The following CHST8 variants were observed in gnomAD, a reference collection of about 807,000 sequenced individuals.
The protein encoded by CHST8 is carbohydrate sulfotransferase 8.
Under a neutral mutation model 15.0 loss-of-function variants are expected in CHST8, and 10 were observed. The observed-to-expected ratio is 0.67, with a 90% confidence interval of 0.41 to 1.13. CHST8 has a LOEUF of 1.13. CHST8 is among the 50% of genes most tolerant of loss of function. The pLI is 0.00. For synonymous variants in CHST8, 259 were observed against 256.6 expected, an observed-to-expected ratio of 1.01 and a Z score of -0.09; for missense variants, 634 against 608.2, an observed-to-expected ratio of 1.04 and a Z score of -0.45.
intron 1 of CHST8, among the ~76,000 whole-genome samples, chr19:33,622,576 G>A (rs1417487284): frequency 6.6e-6 from 1 of 152,158 alleles, no homozygotes; most frequent in Non-Finnish European, 1.5e-5. Flanking sequence ...CCGTCCCTCG[G>A]GCCCTCTTGG....
chr19:33,767,245 G>A (rs1409882570), intron 3 of CHST8, among the ~76,000 whole-genome samples: 1 of 152,252 alleles, frequency 6.6e-6, no homozygotes, highest in Admixed American at 6.5e-5. Flanking sequence ...CTGACCAAAA[G>A]GCTGCTCCCC....
chr19:33,772,066 A>T lies in CHST8; in HGVS notation c.278A>T (p.Asp93Val). The T allele has an allele frequency of 6.2e-7, 1 of 1,612,270 alleles. No individual in the cohort carries two copies. ...APRGRNLPAP[D>V]QPQPPLQRGT... ...AGGGGCCGCAACCTGCCAGCGCCTG[A>T]CCAGCCTCAACCCCCGCTGCAGAGG... The change falls in exon 5 of 5, where the codon GAC (aspartate) becomes GTC (valine). Residue 93 changes from aspartate (D) to valine (V), a missense_variant. Coordinates refer to ENST00000650847, the MANE Select transcript of CHST8 (RefSeq NM_001127895.2).
chr19:33,636,831 G>A (rs1052283259), intron 1 of CHST8, among the ~76,000 whole-genome samples: 4 of 152,160 alleles, frequency 2.6e-5, no homozygotes, highest in Non-Finnish European at 5.9e-5. Flanking sequence ...AACCCGGGAG[G>A]CGAAGGTTGC....
intron 3 of CHST8, among the ~76,000 whole-genome samples, chr19:33,693,766 C>T (rs1973144088): frequency 6.6e-6 from 1 of 151,828 alleles, no homozygotes; most frequent in African/African-American, 2.4e-5. Flanking sequence ...TTGTTTTCTT[C>T]TAGGGGAGTT....
intron 3 of CHST8, among the ~76,000 whole-genome samples, chr19:33,749,078 C>A (rs1974365897): frequency 6.6e-6 from 1 of 152,098 alleles, no homozygotes; most frequent in South Asian, 2.1e-4. Flanking sequence ...CAGGAGAGGC[C>A]CTGGTGGGCA....
intron 3 of CHST8, among the ~76,000 whole-genome samples, chr19:33,737,543 C>T (rs747809527): frequency 3.9e-5 from 6 of 152,124 alleles, no homozygotes; most frequent in African/African-American, 7.2e-5. Context: ...AAAAAAGCCA[C>T]GGGACAGAAT....
intron 1 of CHST8, among the ~76,000 whole-genome samples, chr19:33,632,372 C>G (rs1307531786): frequency 6.6e-6 from 1 of 152,126 alleles, no homozygotes; most frequent in Non-Finnish European, 1.5e-5. Context: ...CTAGTCTAGT[C>G]TTGAACTCCT....
intron 1 of CHST8, among the ~76,000 whole-genome samples, chr19:33,648,300 T>C (rs1352449270): frequency 6.6e-6 from 1 of 152,154 alleles, no homozygotes; most frequent in Non-Finnish European, 1.5e-5. Context: ...TTTCAGTATG[T>C]TCCCAGTGTT....
chr19:33,709,539 C>T (rs961359308), intron 3 of CHST8, among the ~76,000 whole-genome samples: 2 of 151,922 alleles, frequency 1.3e-5, no homozygotes, highest in African/African-American at 2.4e-5. Context: ...ATTAGCCTCA[C>T]ATTCTTGTGA....
At chr19:33,693,600 A>G (rs1401331183) in intron 3 of CHST8, among the ~76,000 whole-genome samples, 1 of 152,150 alleles carries the variant, frequency 6.6e-6, no homozygotes, top group Non-Finnish European at 1.5e-5. Context: ...TATTTATTTG[A>G]GGAAACCAGG....
chr19:33,656,697 G>A (rs923703343), intron 1 of CHST8, among the ~76,000 whole-genome samples: 1 of 151,776 alleles, frequency 6.6e-6, no homozygotes, highest in Non-Finnish European at 1.5e-5. Context: ...CCACCACACC[G>A]GGCTAATTTT....
At chr19:33,660,959 C>A (rs1313448766) in intron 1 of CHST8, among the ~76,000 whole-genome samples, 1 of 152,154 alleles carries the variant, frequency 6.6e-6, no homozygotes, top group Non-Finnish European at 1.5e-5. Flanking sequence ...GCCCACCTGT[C>A]CTGCATCACT....
intron 2 of CHST8, among the ~76,000 whole-genome samples, chr19:33,678,399 A>G (rs1972837470): frequency 6.6e-6 from 1 of 152,056 alleles, no homozygotes; most frequent in South Asian, 2.1e-4. Flanking sequence ...GAGCCTTCAC[A>G]TTGGGAGAGA....
rs368497884 is a variant in CHST8, at chr19:33,764,053, C to T, written c.131-7360C>T. Among the ~76,000 whole-genome samples, 18 of 152,354 alleles carry T rather than the reference C, an allele frequency of 1.2e-4. No homozygotes were observed. The South Asian group carries it at 3.3e-3, about 28-fold the overall frequency. Reference sequence around the variant, plus strand: ...CTAGCCAGGGGGCTGGCACCTGCTGCCCAGATGCGTGGGCCCTTCCCAGCT... The same window carrying T: ...CTAGCCAGGGGGCTGGCACCTGCTGTCCAGATGCGTGGGCCCTTCCCAGCT... On this transcript the variant is annotated intron_variant, in intron 3 of 4. Transcript: ENST00000650847.
chr19:33,663,807 T>A (rs937940231), intron 1 of CHST8, among the ~76,000 whole-genome samples: 36 of 151,660 alleles, frequency 2.4e-4, no homozygotes, highest in African/African-American at 4.4e-4. Flanking sequence ...GAGGTGGAGT[T>A]TGCAGTGAGC....
chr19:33,699,995 C>T (rs1973300473), intron 3 of CHST8, among the ~76,000 whole-genome samples: 1 of 152,222 alleles, frequency 6.6e-6, no homozygotes, highest in African/African-American at 2.4e-5. Flanking sequence ...CCCCTACCTG[C>T]TCTCTCTGAG....
At chr19:33,719,626 A>G (rs1265329574) in intron 3 of CHST8, among the ~76,000 whole-genome samples, 3 of 151,912 alleles carry the variant, frequency 2.0e-5, no homozygotes, top group African/African-American at 7.3e-5. Flanking sequence ...CTTCCCAGCC[A>G]TCTGACCAGA....
At chr19:33,771,369 TG>T in intron 3 of CHST8, 43 bp from the exon 4 acceptor site, 1 of 1,602,542 alleles carries the variant, frequency 6.2e-7, no homozygotes, top group Non-Finnish European at 8.6e-7. Context: ...GGGAGCCATG[TG>T]GCAGATCCGC....
chr19:33,727,492 T>C (rs1456625632), intron 3 of CHST8, among the ~76,000 whole-genome samples: 4 of 152,178 alleles, frequency 2.6e-5, no homozygotes, highest in African/African-American at 9.7e-5. Flanking sequence ...CAGAGTGGGC[T>C]GTAGTGGAGC....
Sources: allele counts gnomAD v4.1 joint callset (sites outside exome capture counted in the v4.1 genomes callset), GRCh38; gene constraint gnomAD v4.1.1; transcripts MANE v1.5; gene names NCBI Gene and HGNC (gene_info 2026-07-23, HGNC 2026-07-21).